RALA: variants seen among roughly 807,000 people sequenced by gnomAD.
RALA encodes the protein ras-related protein Ral-A.
Under a neutral mutation model 24.0 loss-of-function variants are expected in RALA, and 5 were observed. The ratio of observed to expected loss-of-function variants is 0.21; its 90% CI spans 0.11 to 0.44. The LOEUF is 0.44. Among genes scored for constraint, RALA ranks in the 20% least tolerant of loss-of-function variants. The probability of loss-of-function intolerance (pLI) is 0.99; values close to 1 mark genes in which losing one functional copy is unlikely to be tolerated. For missense variants in RALA, 95 were observed against 241.2 expected (o/e 0.39, Z 4.01); for synonymous variants, 77 against 83.8 (o/e 0.92, Z 0.44).
At chr7:39,642,468 A>G (rs1227492080) in intron 1 of RALA, among the ~76,000 whole-genome samples, 1 of 152,180 alleles carries the variant, frequency 6.6e-6, no homozygotes, top group Non-Finnish European at 1.5e-5. Flanking sequence ...GAGAGAGGGT[A>G]GAGATAGATT....
At chr7:39,694,324 G>T (rs1792879788) in intron 3 of RALA, among the ~76,000 whole-genome samples, 1 of 152,178 alleles carries the variant, frequency 6.6e-6, no homozygotes, top group South Asian at 2.1e-4. Context: ...AATGCAGGGA[G>T]GTTAAGTGGC....
chr7:39,641,354 A>G (rs891261689), intron 1 of RALA, among the ~76,000 whole-genome samples: 4 of 152,224 alleles, frequency 2.6e-5, no homozygotes, highest in African/African-American at 9.7e-5. Flanking sequence ...ACAAACATAT[A>G]TGATACTTGG....
intron 1 of RALA, among the ~76,000 whole-genome samples, chr7:39,675,917 A>C (rs1792479393): frequency 6.6e-6 from 1 of 152,060 alleles, no homozygotes; most frequent in South Asian, 2.1e-4. Flanking sequence ...ATTCACTAAG[A>C]CGGCCTTTAC....
chr7:39,697,449 A>G (rs1025907284), intron 4 of RALA: 6 of 456,582 alleles, frequency 1.3e-5, no homozygotes, highest in African/African-American at 1.2e-4. Flanking sequence ...ACCTGCAAGT[A>G]CATTTCATCC....
At chr7:39,686,067 A>G (rs758883001) in intron 1 of RALA, among the ~76,000 whole-genome samples, 11 of 152,132 alleles carry the variant, frequency 7.2e-5, no homozygotes, top group Non-Finnish European at 1.6e-4. Context: ...CTAGCCAAGC[A>G]TGGTGGTGCG....
chr7:39,693,736 A>C (rs1458552378), intron 3 of RALA, among the ~76,000 whole-genome samples: 1 of 152,226 alleles, frequency 6.6e-6, no homozygotes, highest in African/African-American at 2.4e-5. Flanking sequence ...TTTGCAAGAA[A>C]TCATGTGAGT....
chr7:39,699,921 C>G lies in RALA; in HGVS notation c.498+3062C>G, dbSNP rs184702830. ...TCACAGATGCAGTCTGCCTCCATGT[C>G]GGTGGGCTCTGCATCCACAACCAAA... is the stretch of plus-strand genomic sequence containing the variant. On this transcript the variant is annotated intron_variant, in intron 4 of 4. Coordinates refer to ENST00000005257, the MANE Select transcript of RALA (RefSeq NM_005402.4). Among the ~76,000 whole-genome samples the G allele has an allele frequency of 2.7e-4, 41 of 152,236 alleles. No individual in the cohort carries two copies. In the East Asian group the frequency reaches 7.3e-3, roughly 27 times the overall value.
At chr7:39,625,902 A>C (rs1438401810) in intron 1 of RALA, among the ~76,000 whole-genome samples, 1 of 152,216 alleles carries the variant, frequency 6.6e-6, no homozygotes, top group Non-Finnish European at 1.5e-5. Flanking sequence ...ACAGAACATA[A>C]ATACATGTAC....
rs1793140840 is a variant in RALA, at chr7:39,707,555, A to G, written c.*1310A>G. On this transcript the variant is annotated 3_prime_UTR_variant, in exon 5 of 5. Transcript: ENST00000005257. ...GTGTACCTGCTGGAAGAATTCTAGC[A>G]TGCTACTTGGGGACATAATTTCAGT... The G allele has an allele frequency of 6.6e-6, 1 of 152,084 alleles. No individual in the cohort carries two copies. Among genetic ancestry groups the G allele is most frequent in the South Asian group, 2.1e-4 (1 of 4,830 alleles). The allele number at this position is 152,084 out of a possible 1,614,324, so 9.4% of individuals were successfully genotyped here. A position where few individuals can be genotyped will look rare whatever the true frequency, so the allele number is the denominator to read the frequency against.
At chr7:39,702,484 T>G (rs1793046489) in intron 4 of RALA, among the ~76,000 whole-genome samples, 1 of 152,248 alleles carries the variant, frequency 6.6e-6, no homozygotes, top group South Asian at 2.1e-4. Flanking sequence ...CATATAGATG[T>G]ATCCACATTC....
At chr7:39,659,436 G>A (rs1038613322) in intron 1 of RALA, among the ~76,000 whole-genome samples, 2 of 150,416 alleles carry the variant, frequency 1.3e-5, no homozygotes, top group Non-Finnish European at 3.0e-5. Context: ...GTTATGTTTT[G>A]TATAACTTCA....
At chr7:39,685,525 GTGTT>G (rs1309403100) in intron 1 of RALA, among the ~76,000 whole-genome samples, 2 of 152,154 alleles carry the variant, frequency 1.3e-5, no homozygotes, top group African/African-American at 2.4e-5. Context: ...CACGTTCAGA[GTGTT>G]TGTTGTGGCC....
intron 1 of RALA, among the ~76,000 whole-genome samples, chr7:39,682,706 G>A (rs776159481): frequency 9.9e-5 from 15 of 152,124 alleles, no homozygotes; most frequent in South Asian, 4.1e-4. Flanking sequence ...GCAGTGGCAC[G>A]ATCTTGGCTC....
rs1293423366 is a variant in RALA, at chr7:39,682,746, G to C, written c.-37-3885G>C. Among the ~76,000 whole-genome samples, 4 of 152,096 alleles carry C rather than the reference G, an allele frequency of 2.6e-5. No homozygotes were observed. In the South Asian group the frequency reaches 6.2e-4, roughly 24 times the overall value. ...CAACCTCCGCCTCCTGAGTTCAAAC[G>C]ATTCTCCTGCCTCAGCCTCCCTTGT... On this transcript the variant is annotated intron_variant, in intron 1 of 4. Coordinates refer to ENST00000005257, the MANE Select transcript of RALA (RefSeq NM_005402.4).
rs1379520811 is a variant in RALA, at chr7:39,707,726, G to A, written c.*1481G>A. ...TTCAGGCATTCCAGGTAACAGGTGT[G>A]TATGTAAAGTTAAAAATAGGCTTTT... is the stretch of plus-strand genomic sequence containing the variant. On this transcript the variant is annotated 3_prime_UTR_variant, in exon 5 of 5. Coordinates refer to ENST00000005257, the MANE Select transcript of RALA (RefSeq NM_005402.4). 3 of 152,554 alleles carry A rather than the reference G, an allele frequency of 2.0e-5. No individual in the cohort carries two copies. Among genetic ancestry groups the A allele is most frequent in the African/African-American group, 7.2e-5 (3 of 41,412 alleles). 9.5% of individuals were successfully genotyped at this position (152,554 alleles called of 1,614,324 possible).
chr7:39,665,735 G>T (rs1249311085), intron 1 of RALA, among the ~76,000 whole-genome samples: 1 of 151,788 alleles, frequency 6.6e-6, no homozygotes, highest in East Asian at 1.9e-4. Flanking sequence ...CCACCCGTGA[G>T]AATTATCTTT....
chr7:39,704,997 A>G (rs894173550), intron 4 of RALA, among the ~76,000 whole-genome samples: 15 of 152,176 alleles, frequency 9.9e-5, no homozygotes, highest in Non-Finnish European at 2.1e-4. Context: ...TTGAATACGT[A>G]AAACACCTAT....
rs538999060 is a variant in RALA at position 39,640,542 on chromosome 7, C to T, written c.-38+16717C>T. Among the ~76,000 whole-genome samples the T allele has an allele frequency of 5.3e-5, 8 of 152,294 alleles. No homozygotes were observed. In the South Asian group the frequency reaches 1.7e-3, roughly 32 times the overall value. ...TTGTTTATTACAGATACAAATCTTA[C>T]ATCAGATATATATGAATGGCAGATA... On this transcript the variant is annotated intron_variant, in intron 1 of 4. Coordinates refer to ENST00000005257, the MANE Select transcript of RALA (RefSeq NM_005402.4).
intron 1 of RALA, among the ~76,000 whole-genome samples, chr7:39,634,611 T>C (rs1397284216): frequency 6.6e-6 from 1 of 152,132 alleles, no homozygotes; most frequent in African/African-American, 2.4e-5. Context: ...GTTTGAATAA[T>C]TGGTAACCTT....
Sources: allele counts gnomAD v4.1 joint callset (sites outside exome capture counted in the v4.1 genomes callset), GRCh38; gene constraint gnomAD v4.1.1; transcripts MANE v1.5; gene names NCBI Gene and HGNC (gene_info 2026-07-23, HGNC 2026-07-21).